Variants in SNRPN observed in about 807,000 individuals in gnomAD.
SNRPN encodes small nuclear ribonucleoprotein-associated protein N.
SNRPN carries 7 observed loss-of-function variants against 25.2 expected under a neutral mutation model. That is an observed-to-expected ratio of 0.28 (90% confidence interval 0.16 to 0.52). The LOEUF is 0.52. Ranked by LOEUF, SNRPN falls within the 20% of genes least tolerant of loss-of-function variation. The pLI is 0.96. For synonymous variants in SNRPN, 124 were observed against 110.6 expected, an observed-to-expected ratio of 1.12 and a Z score of -0.76; for missense variants, 196 against 322.5, an observed-to-expected ratio of 0.61 and a Z score of 3.00.
At chr15:24,958,504 T>G (rs895677873) in intron 1 of SNRPN, among the ~76,000 whole-genome samples, 2 of 136,392 alleles carry the variant, frequency 1.5e-5, no homozygotes, top group Admixed American at 7.3e-5. Context: ...TTTTTTTTTT[T>G]TTTTTTTTTT....
chr15:24,915,874 A>T (rs1595877179), intron 2 of SNRPN, among the ~76,000 whole-genome samples: 1 of 151,634 alleles, frequency 6.6e-6, no homozygotes, highest in African/African-American at 2.4e-5. Context: ...TAGGAATGAT[A>T]TTCAGCTAGT....
Position 24,825,877 on chromosome 15 carries a change from C to T in SNRPN, c.-687+2027C>T, listed in dbSNP as rs115322185. Among the ~76,000 whole-genome samples, 914 of 152,182 alleles carry T rather than the reference C, an allele frequency of 6.0e-3. 16 individuals are homozygous for T. Among genetic ancestry groups the T allele is most frequent in the African/African-American group, 0.021 (891 of 41,462 alleles). ...ATTATAAAGTTGGGAAATCTGAAGT[C>T]ATACCTCAGGGAGTGCTTTTATTAC... On this transcript the variant is annotated intron_variant, in intron 1 of 12. Transcript: ENST00000400100.
In SNRPN at chr15:24,929,885, A is replaced by G. The variant is rs1345887094; in HGVS notation, c.-391+9761A>G. 1.3e-5 allele frequency among the ~76,000 whole-genome samples: 2 copies of G among 152,142 alleles called. No individual in the cohort carries two copies. The highest frequency in any genetic ancestry group is 2.9e-5 in the Non-Finnish European group (2 of 68,032). On this transcript the variant is annotated intron_variant, in intron 3 of 11. Transcript: ENST00000400097. This position sits in a 1 kb window ranked among gnomAD's most constrained non-coding sequence, Gnocchi z 5.3. ...AATCAACCTGAACACATGTACATCTATTATGTATCAATAAAAAAATGGCCA... is the reference window on the plus strand; with the variant it reads ...AATCAACCTGAACACATGTACATCTGTTATGTATCAATAAAAAAATGGCCA...
At position 24,834,751 on chromosome 15, in the gene SNRPN, C is replaced by CTCTCTCTCTATATATATA; in HGVS notation, c.-579+4847_-579+4848insCTCTCTCTATATATATAT. Among the ~76,000 whole-genome samples, 77 of 60,936 alleles carry CTCTCTCTCTATATATATA rather than the reference C, an allele frequency of 1.3e-3. 1 individual carries two copies. Among genetic ancestry groups the CTCTCTCTCTATATATATA allele is most frequent in the Non-Finnish European group, 2.1e-3 (63 of 30,222 alleles). 40.0% of individuals were successfully genotyped at this position (60,936 alleles called of 152,430 possible). On this transcript the variant is annotated intron_variant, in intron 2 of 12. Transcript: ENST00000400100. The stretch of plus-strand genomic sequence containing the variant: ...TCCCTCTCTCTCTCTCTCTCTCTCT[C>CTCTCTCTCTATATATATA]TATATATATATATATATATATATAT...
chr15:24,976,431 G>T lies in SNRPN; in HGVS notation c.267+15G>T, dbSNP rs768552152. ...CCCCCAAAGATGTAAGGAAGATGTA[G>T]GGCAGGACAGAACTTTAATTTGCAG... On this transcript the variant is annotated intron_variant, in intron 6 of 9. Transcript: ENST00000390687. The T allele has an allele frequency of 3.3e-5, 51 of 1,533,810 alleles. 3 individuals carry two copies. In the South Asian group the frequency reaches 5.6e-4, roughly 17 times the overall value.
At chr15:24,933,608 T>G (rs2061029966) in intron 3 of SNRPN, among the ~76,000 whole-genome samples, 1 of 152,104 alleles carries the variant, frequency 6.6e-6, no homozygotes, top group Non-Finnish European at 1.5e-5. Flanking sequence ...TGAAACCCTG[T>G]TTCTACTAAA....
intron 2 of SNRPN, among the ~76,000 whole-genome samples, chr15:24,834,048 C>T (rs1186532534): frequency 6.6e-6 from 1 of 152,122 alleles, no homozygotes; most frequent in East Asian, 1.9e-4. Flanking sequence ...GCCTCAGCCT[C>T]CTGAGCAGCT....
chr15:24,960,707 C>A (rs955679815), intron 1 of SNRPN, among the ~76,000 whole-genome samples: 1 of 152,064 alleles, frequency 6.6e-6, no homozygotes, highest in African/African-American at 2.4e-5. Flanking sequence ...AGTGTTTTAC[C>A]CATCGTAGCA....
At chr15:24,918,596 G>GTA (rs1347831806) in intron 2 of SNRPN, among the ~76,000 whole-genome samples, 1 of 85,842 alleles carries the variant, frequency 1.2e-5, no homozygotes, top group African/African-American at 4.7e-5. Flanking sequence ...TAATATATAT[G>GTA]TATATATATA....
chr15:24,877,274 C>T (rs2056005479), intron 1 of SNRPN, among the ~76,000 whole-genome samples: 1 of 152,188 alleles, frequency 6.6e-6, no homozygotes, highest in South Asian at 2.1e-4. Flanking sequence ...CATTTCAGCT[C>T]CAAGTCCAGG....
intron 2 of SNRPN, among the ~76,000 whole-genome samples, chr15:24,890,489 A>C (rs1411562292): frequency 6.6e-6 from 1 of 152,170 alleles, no homozygotes; most frequent in African/African-American, 2.4e-5. Context: ...AGCCTGACCA[A>C]CATGGTGAAA....
chr15:24,886,313 A>G lies in SNRPN; in HGVS notation c.-578-203A>G, dbSNP rs146153321. ...GATGTTAATTCTTAGTAATTTTCCA[A>G]CCACTAGTCCCCACCCTGTTCCTTG... On this transcript the variant is annotated intron_variant, in intron 1 of 11. Transcript: ENST00000400097. Among the ~76,000 whole-genome samples the G allele has an allele frequency of 3.9e-4, 60 of 152,188 alleles. 3 individuals carry two copies. The East Asian group carries it at 8.3e-3, about 21-fold the overall frequency.
At chr15:24,909,664 A>G in intron 2 of SNRPN, 1 of 1,229,628 alleles carries the variant, frequency 8.1e-7, no homozygotes, top group Non-Finnish European at 1.2e-6. Context: ...TTGTTACACG[A>G]ACTATCATCC....
At chr15:24,882,569 G>A (rs1241133475) in intron 1 of SNRPN, among the ~76,000 whole-genome samples, 1 of 152,222 alleles carries the variant, frequency 6.6e-6, no homozygotes, top group African/African-American at 2.4e-5. Flanking sequence ...GCTTACGCCT[G>A]TAATTCCAGC....
intron 3 of SNRPN, among the ~76,000 whole-genome samples, chr15:24,928,335 T>C (rs922538733): frequency 5.9e-5 from 9 of 151,902 alleles, no homozygotes; most frequent in South Asian, 2.1e-4. Flanking sequence ...GAAGTGTTCA[T>C]CAACAGACAA....
intron 1 of SNRPN, among the ~76,000 whole-genome samples, chr15:24,826,014 T>C (rs566081731): frequency 1.3e-5 from 2 of 152,194 alleles, no homozygotes; most frequent in South Asian, 2.1e-4. Context: ...TCTGTTGGGC[T>C]ACCTTTATCC....
intron 2 of SNRPN, among the ~76,000 whole-genome samples, chr15:24,963,806 A>AG (rs1210638113): frequency 2.6e-5 from 4 of 152,032 alleles, no homozygotes; most frequent in Non-Finnish European, 5.9e-5. Context: ...TGGGAGGCTG[A>AG]GGTGGATCAC....
intron 1 of SNRPN, among the ~76,000 whole-genome samples, chr15:24,873,178 A>G (rs67151378): frequency 0.26 from 30,848 of 118,808 alleles, 11,029 homozygotes; most frequent in East Asian, 0.77. Context: ...GCAAAAAAAA[A>G]GCAACAGGGA....
At chr15:24,882,686 G>A (rs1363705690) in intron 1 of SNRPN, among the ~76,000 whole-genome samples, 2 of 152,004 alleles carry the variant, frequency 1.3e-5, no homozygotes, top group South Asian at 2.1e-4. Context: ...TTAGCTGGGC[G>A]TGGTGGTGCA....
Sources: allele counts gnomAD v4.1 joint callset (sites outside exome capture counted in the v4.1 genomes callset), GRCh38; gene constraint gnomAD v4.1.1; non-coding constraint Gnocchi (gnomAD v3.1); transcripts MANE v1.5; gene names NCBI Gene and HGNC (gene_info 2026-07-23, HGNC 2026-07-21).